The following TMOD1 variants were observed in gnomAD, a reference collection of about 807,000 sequenced individuals.
TMOD1 encodes tropomodulin-1.
Under a neutral mutation model 40.6 loss-of-function variants are expected in TMOD1, and 17 were observed. The ratio of observed to expected loss-of-function variants is 0.42; its 90% CI spans 0.29 to 0.63. The LOEUF is 0.63. Ranked by LOEUF, TMOD1 falls within the 20% of genes least tolerant of loss-of-function variation. The pLI, the probability that TMOD1 is intolerant of heterozygous loss-of-function variation, is 0.22. For synonymous variants in TMOD1, 181 were observed against 175.0 expected (o/e 1.03, Z -0.27); for missense variants, 391 against 447.6 (o/e 0.87, Z 1.14).
chr9:97,509,514 T>G (rs1366480358), intron 1 of TMOD1, among the ~76,000 whole-genome samples: 3 of 120,848 alleles, frequency 2.5e-5, no homozygotes, highest in African/African-American at 8.9e-5. Context: ...TTTTTTTTGT[T>G]TTTTGTTTTT....
chr9:97,551,731 T>A (rs1333699592), intron 3 of TMOD1, among the ~76,000 whole-genome samples: 1 of 152,248 alleles, frequency 6.6e-6, no homozygotes, highest in Non-Finnish European at 1.5e-5. Context: ...AAAGGACTGT[T>A]GGAACTTTGA....
chr9:97,600,566 A>G lies in TMOD1; in HGVS notation c.*868A>G. ...GCAAATGGCTTATGTGAGGTAAGAC[A>G]CTAGAGGGATAAATTTCCAGATCAA... On this transcript the variant is annotated 3_prime_UTR_variant, in exon 10 of 10. Transcript: ENST00000259365. The G allele has an allele frequency of 1.0e-6, 1 of 986,448 alleles. No individual in the cohort carries two copies. Among genetic ancestry groups the G allele is most frequent in the Non-Finnish European group, 1.2e-6 (1 of 830,682 alleles). The allele number at this position is 986,448 out of a possible 1,614,324, so 61.1% of individuals were successfully genotyped here. A position where few individuals can be genotyped will look rare whatever the true frequency, so the allele number is the denominator to read the frequency against.
Position 97,502,742 on chromosome 9 carries a change from A to G in TMOD1, c.-49+939A>G, listed in dbSNP as rs896035168. Among the ~76,000 whole-genome samples, 1 of 152,162 alleles carries G rather than the reference A, an allele frequency of 6.6e-6. No individual in the cohort carries two copies. The highest frequency in any genetic ancestry group is 1.5e-5 in the Non-Finnish European group (1 of 68,016). On this transcript the variant is annotated intron_variant, in intron 1 of 9. Transcript: ENST00000259365. This position sits in a 1 kb window ranked among gnomAD's most constrained non-coding sequence, Gnocchi z 6.1. ...GGCCGTCGGATATCCTAAGCCGTAC[A>G]ACCCTAGGAAGTGCACTTTTGGGGT...
intron 9 of TMOD1, among the ~76,000 whole-genome samples, chr9:97,599,410 G>GAT (rs1171626603): frequency 6.6e-6 from 1 of 152,138 alleles, no homozygotes; most frequent in Non-Finnish European, 1.5e-5. Flanking sequence ...CCACTTAGCA[G>GAT]ATATCTATGA....
intron 7 of TMOD1, 146 bp downstream of exon 7, chr9:97,566,101 G>A (rs774944183): frequency 1.3e-4 from 84 of 623,712 alleles, no homozygotes; most frequent in Non-Finnish European, 1.7e-4. Context: ...GCCATGAGGG[G>A]TGTAGAGGGA....
chr9:97,590,054 GT>G (rs966159460), intron 8 of TMOD1, among the ~76,000 whole-genome samples: 1 of 150,774 alleles, frequency 6.6e-6, no homozygotes, highest in Non-Finnish European at 1.5e-5. Context: ...TGTGACCAGG[GT>G]TTTTTTTCTT....
In TMOD1 at chr9:97,564,052, A is replaced by C; in HGVS notation, c.502A>C (p.Thr168Pro). 6.2e-7 allele frequency: 1 copy of C among 1,614,132 alleles called. No homozygotes were observed. The highest frequency in any genetic ancestry group is 1.1e-5 in the South Asian group (1 of 91,076). ...GGTCACTCTAGGCGTGATTAAACCC[A>C]CACAATACAAGCCTGTGCCCGACGA... ...KEGLNSVIKPTQYKPVPDEEP... is the reference protein window; with the variant it reads ...KEGLNSVIKPPQYKPVPDEEP... The change falls in exon 6 of 10, where the codon ACA (threonine) becomes CCA (proline). Residue 168 changes from threonine to proline, a missense_variant. Transcript: ENST00000259365.
chr9:97,599,205 T>C (rs1372495711), intron 9 of TMOD1, among the ~76,000 whole-genome samples: 1 of 152,194 alleles, frequency 6.6e-6, no homozygotes, highest in African/African-American at 2.4e-5. Flanking sequence ...AACTCTCGTT[T>C]ATATAGGCAG....
At chr9:97,511,832 G>A (rs1288947504) in intron 1 of TMOD1, among the ~76,000 whole-genome samples, 2 of 126,618 alleles carry the variant, frequency 1.6e-5, no homozygotes, top group African/African-American at 5.6e-5. Flanking sequence ...CGATCCGCCT[G>A]CCTCTGCCTC....
chr9:97,504,137 GC>G (rs1333137607), intron 1 of TMOD1, among the ~76,000 whole-genome samples: 1 of 152,208 alleles, frequency 6.6e-6, no homozygotes, highest in Non-Finnish European at 1.5e-5. Context: ...GCCTGTCTGA[GC>G]CTCGTTTTCT....
In TMOD1 at chr9:97,600,563, G is replaced by A. The variant is rs769681777; in HGVS notation, c.*865G>A. ...TGGGCAAATGGCTTATGTGAGGTAA[G>A]ACACTAGAGGGATAAATTTCCAGAT... On this transcript the variant is annotated 3_prime_UTR_variant, in exon 10 of 10. Transcript: ENST00000259365. The A allele has an allele frequency of 4.5e-5, 44 of 985,816 alleles. No individual in the cohort carries two copies. Among genetic ancestry groups the A allele is most frequent in the Non-Finnish European group, 5.3e-5 (44 of 830,332 alleles). The allele number at this position is 985,816 out of a possible 1,614,324, so 61.1% of individuals were successfully genotyped here.
At chr9:97,540,993 T>C (rs1830268148) in intron 2 of TMOD1, among the ~76,000 whole-genome samples, 1 of 152,228 alleles carries the variant, frequency 6.6e-6, no homozygotes, top group Non-Finnish European at 1.5e-5. Flanking sequence ...TATATTCTCA[T>C]CAGTACTTGT....
intron 1 of TMOD1, among the ~76,000 whole-genome samples, chr9:97,510,626 G>A (rs537680089): frequency 2.8e-4 from 42 of 152,298 alleles, no homozygotes; most frequent in African/African-American, 6.5e-4. Flanking sequence ...TTCATTCAAC[G>A]AATATGTCTT....
intron 2 of TMOD1, among the ~76,000 whole-genome samples, chr9:97,534,981 C>T (rs1055264018): frequency 7.9e-5 from 12 of 152,156 alleles, no homozygotes; most frequent in Middle Eastern, 3.4e-3. Flanking sequence ...GAGTGCAGGG[C>T]GTGGCTGTGG....
intron 8 of TMOD1, 32 bp from the exon 9 acceptor site, chr9:97,591,259 A>AT (rs1564000859): frequency 6.4e-7 from 1 of 1,565,588 alleles, no homozygotes; most frequent in Admixed American, 1.9e-5. Flanking sequence ...TGGTGATTTT[A>AT]TTTTTTATTT....
chr9:97,551,948 A>G (rs2131253631), intron 3 of TMOD1, among the ~76,000 whole-genome samples: 1 of 152,318 alleles, frequency 6.6e-6, no homozygotes, highest in African/African-American at 2.4e-5. Context: ...TGTATTATAA[A>G]TGAAATTGTT....
At chr9:97,555,635 A>C in intron 4 of TMOD1, 1 of 1,551,000 alleles carries the variant, frequency 6.4e-7, no homozygotes, top group Non-Finnish European at 8.7e-7. Flanking sequence ...TTGATGTTGG[A>C]CATTTGAAAG....
intron 2 of TMOD1, 31 bp downstream of exon 2, chr9:97,524,339 C>A: frequency 6.2e-7 from 1 of 1,608,798 alleles, no homozygotes; most frequent in South Asian, 1.1e-5. Context: ...AGCACATTGT[C>A]ACTAGCGAGG....
At chr9:97,591,531 AGTC>A in intron 9 of TMOD1, 96 bp downstream of exon 9, 2 of 1,392,786 alleles carry the variant, frequency 1.4e-6, no homozygotes, top group Non-Finnish European at 2.0e-6. Flanking sequence ...TGCCTCTCCG[AGTC>A]TTCTTGAGCC....
Sources: allele counts gnomAD v4.1 joint callset (sites outside exome capture counted in the v4.1 genomes callset), GRCh38; gene constraint gnomAD v4.1.1; non-coding constraint Gnocchi (gnomAD v3.1); transcripts MANE v1.5; gene names NCBI Gene and HGNC (gene_info 2026-07-23, HGNC 2026-07-21).